Variants in PCDH17 observed in about 807,000 individuals in gnomAD.
PCDH17 encodes protocadherin 17, also known as protocadherin-17.
Under a neutral mutation model 67.7 loss-of-function variants are expected in PCDH17, and 21 were observed. The ratio of observed to expected loss-of-function variants is 0.31; its 90% confidence interval spans 0.22 to 0.45. PCDH17 has a LOEUF of 0.45. Ranked by LOEUF, PCDH17 falls within the 20% of genes least tolerant of loss-of-function variation. PCDH17 has a pLI of 1.00. For missense variants in PCDH17, 1,471 were observed against 1,564.8 expected (o/e 0.94, Z 1.01); for synonymous variants, 701 against 656.7 (o/e 1.07, Z -1.03).
intron 3 of PCDH17, among the ~76,000 whole-genome samples, chr13:57,692,602 A>G (rs930313173): frequency 6.6e-6 from 1 of 151,294 alleles, no homozygotes; most frequent in East Asian, 1.9e-4. Flanking sequence ...ACACACTTCT[A>G]AAGGTGGCCA....
In PCDH17 at chr13:57,633,219, G is replaced by A. The variant is rs971203051; in HGVS notation, c.673G>A (p.Ala225Thr). ...ALDGGEPPRS[A>T]TVQINVKVID... ...GGACGGTGGCGAGCCTCCACGTTCCGCCACCGTACAGATCAACGTGAAGGT... is the reference window on the plus strand; with the variant it reads ...GGACGGTGGCGAGCCTCCACGTTCCACCACCGTACAGATCAACGTGAAGGT... The change falls in exon 1 of 4, where the codon GCC becomes ACC. Residue 225 changes from alanine to threonine, a missense_variant. Ala to Thr is a moderately conservative substitution (Grantham distance 58). Around this residue, in one of 3 missense-constraint regions of PCDH17, gnomAD observed 1,163 missense variants for 1,230.0 expected, o/e 0.95. Coordinates refer to ENST00000377918, the MANE Select transcript of PCDH17 (RefSeq NM_001040429.3). This position sits in a 1 kb window ranked among gnomAD's most constrained non-coding sequence, Gnocchi z 6.2. 6 of 1,613,140 alleles carry A rather than the reference G, an allele frequency of 3.7e-6. No homozygotes were observed. The highest frequency in any genetic ancestry group is 5.1e-6 in the Non-Finnish European group (6 of 1,179,958).
rs1463139048 is a variant in PCDH17 at position 57,657,738 on chromosome 13, C to T, written c.2566-8730C>T. 2.0e-5 allele frequency among the ~76,000 whole-genome samples: 3 copies of T among 152,340 alleles called. No individual in the cohort carries two copies. In the East Asian group the frequency reaches 5.8e-4, roughly 29 times the overall value. The stretch of plus-strand genomic sequence containing the variant: ...GGTATCAAGGTAGACAAACAAACTT[C>T]TGTCCCTAATTCAAGGGTATTTTTC... On this transcript the variant is annotated intron_variant, in intron 1 of 3. Transcript: ENST00000377918.
chr13:57,649,658 A>C (rs1046955947), intron 1 of PCDH17, among the ~76,000 whole-genome samples: 3 of 152,190 alleles, frequency 2.0e-5, no homozygotes, highest in African/African-American at 7.2e-5. Context: ...ATAATATGTC[A>C]TGATTTTCAT....
At chr13:57,672,669 A>G (rs902767850) in intron 3 of PCDH17, among the ~76,000 whole-genome samples, 3 of 152,002 alleles carry the variant, frequency 2.0e-5, no homozygotes, top group African/African-American at 7.2e-5. Flanking sequence ...CAGTTACTTT[A>G]CAATCTTCCC....
chr13:57,690,303 C>T (rs1209258671), intron 3 of PCDH17, among the ~76,000 whole-genome samples: 1 of 151,614 alleles, frequency 6.6e-6, no homozygotes, highest in Non-Finnish European at 1.5e-5. Context: ...ATATGCTTTT[C>T]ATATCCTTTT....
chr13:57,646,869 G>C (rs972184339), intron 1 of PCDH17, among the ~76,000 whole-genome samples: 1 of 151,670 alleles, frequency 6.6e-6, no homozygotes, highest in East Asian at 1.9e-4. Flanking sequence ...TGGCATTTTT[G>C]AAAATAAGAC....
At chr13:57,668,996 C>G (rs1012129239) in intron 3 of PCDH17, among the ~76,000 whole-genome samples, 1 of 151,938 alleles carries the variant, frequency 6.6e-6, no homozygotes, top group Admixed American at 6.6e-5. Flanking sequence ...CCCCGCTCCC[C>G]CCACCCCACA....
intron 3 of PCDH17, among the ~76,000 whole-genome samples, chr13:57,704,268 A>G (rs1955695212): frequency 6.6e-6 from 1 of 152,124 alleles, no homozygotes; most frequent in African/African-American, 2.4e-5. Flanking sequence ...ATTGTCAAGG[A>G]TAATGATGAT....
Position 57,725,383 on chromosome 13 carries a change from G to T in PCDH17, c.*89G>T, listed in dbSNP as rs1955908276. ...TCCTGGTGATAACCCATTTTACAGG[G>T]ATGAAGAAAGACCAATGCTGCTTTA... On this transcript the variant is annotated 3_prime_UTR_variant, in exon 4 of 4. Transcript: ENST00000377918. 2.6e-6 allele frequency: 3 copies of T among 1,160,268 alleles called. No individual in the cohort carries two copies. In the East Asian group the frequency reaches 7.1e-5, roughly 28 times the overall value. 71.9% of individuals were successfully genotyped at this position (1,160,268 alleles called of 1,614,324 possible).
intron 3 of PCDH17, among the ~76,000 whole-genome samples, chr13:57,667,887 A>G (rs952161449): frequency 2.3e-4 from 34 of 148,280 alleles, no homozygotes; most frequent in Non-Finnish European, 4.2e-4. Context: ...ATACTTATTT[A>G]TATATATTTT....
intron 3 of PCDH17, among the ~76,000 whole-genome samples, chr13:57,675,462 T>C (rs1214984669): frequency 6.6e-6 from 1 of 151,940 alleles, no homozygotes; most frequent in Non-Finnish European, 1.5e-5. Context: ...TAAGAGAATC[T>C]GACATATAAA....
In PCDH17 at chr13:57,666,389, T is replaced by G. The variant is rs996442573; in HGVS notation, c.2566-79T>G. Reference sequence around the variant, plus strand: ...GAATTTTTGAATTATTAATCATTTTTCCACTAGGAAATCTTGTTGCTCTGC... The same window carrying G: ...GAATTTTTGAATTATTAATCATTTTGCCACTAGGAAATCTTGTTGCTCTGC... On this transcript the variant is annotated intron_variant, in intron 1 of 3. Coordinates refer to ENST00000377918, the MANE Select transcript of PCDH17 (RefSeq NM_001040429.3). The G allele has an allele frequency of 6.6e-6, 7 of 1,064,338 alleles. No individual in the cohort carries two copies. The African/African-American group carries it at 1.1e-4, about 17-fold the overall frequency. The allele number at this position is 1,064,338 out of a possible 1,614,324, so 65.9% of individuals were successfully genotyped here.
chr13:57,716,048 C>T (rs1183073666), intron 3 of PCDH17, among the ~76,000 whole-genome samples: 1 of 151,894 alleles, frequency 6.6e-6, no homozygotes, highest in Non-Finnish European at 1.5e-5. Context: ...GCTGGAATGC[C>T]TATTCCAGTG....
intron 3 of PCDH17, among the ~76,000 whole-genome samples, chr13:57,672,670 C>T (rs540147602): frequency 7.4e-4 from 112 of 152,090 alleles, no homozygotes; most frequent in African/African-American, 2.7e-3. Flanking sequence ...AGTTACTTTA[C>T]AATCTTCCCT....
intron 1 of PCDH17, among the ~76,000 whole-genome samples, chr13:57,645,709 A>G (rs1335630851): frequency 6.6e-6 from 1 of 151,034 alleles, no homozygotes; most frequent in Admixed American, 6.6e-5. Context: ...TATATATAAT[A>G]TATACACACA....
At chr13:57,705,901 G>T (rs1462157997) in intron 3 of PCDH17, among the ~76,000 whole-genome samples, 1 of 151,874 alleles carries the variant, frequency 6.6e-6, no homozygotes, top group Non-Finnish European at 1.5e-5. Flanking sequence ...TGTAATCCCA[G>T]CTACTTGGGA....
At chr13:57,714,895 C>T (rs1361960146) in intron 3 of PCDH17, among the ~76,000 whole-genome samples, 2 of 151,556 alleles carry the variant, frequency 1.3e-5, no homozygotes, top group Non-Finnish European at 3.0e-5. Context: ...AAGAAAGAAA[C>T]CTATAGGTGC....
At chr13:57,659,129 G>GTGTGTGTA (rs1189435548) in intron 1 of PCDH17, among the ~76,000 whole-genome samples, 1 of 145,330 alleles carries the variant, frequency 6.9e-6, no homozygotes, top group Non-Finnish European at 1.5e-5. Context: ...GTGTGTGTGT[G>GTGTGTGTA]TGTATACACA....
intron 1 of PCDH17, among the ~76,000 whole-genome samples, chr13:57,657,567 C>T (rs1017174849): frequency 1.3e-5 from 2 of 152,268 alleles, no homozygotes; most frequent in South Asian, 2.1e-4. Flanking sequence ...GAAGCAATGT[C>T]GGTACGAAAA....
Sources: allele counts gnomAD v4.1 joint callset (sites outside exome capture counted in the v4.1 genomes callset), GRCh38; gene constraint gnomAD v4.1.1; regional missense constraint gnomAD v4.1.1; non-coding constraint Gnocchi (gnomAD v3.1); transcripts MANE v1.5; gene names NCBI Gene and HGNC (gene_info 2026-07-23, HGNC 2026-07-21).